The following HACD2 variants were observed in gnomAD, a reference collection of about 807,000 sequenced individuals.
HACD2 encodes 3-hydroxyacyl-CoA dehydratase 2.
Under a neutral mutation model 31.0 loss-of-function variants are expected in HACD2, and 15 were observed. The ratio of observed to expected loss-of-function variants is 0.48; its 90% CI spans 0.32 to 0.75. The LOEUF is 0.75. Among genes scored for constraint, HACD2 ranks in the 30% least tolerant of loss-of-function variants. The probability of loss-of-function intolerance (pLI) is 0.03; values close to 1 mark genes in which losing one functional copy is unlikely to be tolerated. For synonymous variants in HACD2, 115 were observed against 122.2 expected (o/e 0.94, Z 0.39); for missense variants, 283 against 313.0 (o/e 0.90, Z 0.72).
intron 3 of HACD2, among the ~76,000 whole-genome samples, chr3:123,541,368 C>A (rs559084142): frequency 5.9e-5 from 9 of 152,300 alleles, no homozygotes; most frequent in African/African-American, 1.9e-4. Flanking sequence ...TCTCTTGACT[C>A]TACTAAACCA....
chr3:123,536,113 C>T (rs1317017928), intron 3 of HACD2, among the ~76,000 whole-genome samples: 11 of 152,176 alleles, frequency 7.2e-5, no homozygotes, highest in South Asian at 4.2e-4. Context: ...TGCTTTTCTT[C>T]CCTTAAAATT....
At chr3:123,526,803 A>G (rs1277696744) in intron 4 of HACD2, among the ~76,000 whole-genome samples, 1 of 143,006 alleles carries the variant, frequency 7.0e-6, no homozygotes, top group Non-Finnish European at 1.6e-5. Context: ...AACCAGTTTC[A>G]ATGATCTACA....
Position 123,513,444 on chromosome 3 carries a change from A to T in HACD2, c.382-10763T>A, listed in dbSNP as rs562045537. Among the ~76,000 whole-genome samples the T allele has an allele frequency of 5.3e-5, 8 of 152,340 alleles. No individual in the cohort carries two copies. The East Asian group carries it at 1.5e-3, about 29-fold the overall frequency. On this transcript the variant is annotated intron_variant, in intron 4 of 6. Coordinates refer to ENST00000383657, the MANE Select transcript of HACD2 (RefSeq NM_198402.5). Reference sequence around the variant, plus strand: ...GGAGCAGGTGACAGAGGTCAACGTCACCAGGAGTGGGAAGGGTAGTCATGG... The same window carrying T: ...GGAGCAGGTGACAGAGGTCAACGTCTCCAGGAGTGGGAAGGGTAGTCATGG...
chr3:123,572,850 C>T (rs1271104772), intron 2 of HACD2, among the ~76,000 whole-genome samples: 1 of 152,146 alleles, frequency 6.6e-6, no homozygotes, highest in Non-Finnish European at 1.5e-5. Flanking sequence ...GATTCATCTA[C>T]AGTGATTCCC....
intron 3 of HACD2, among the ~76,000 whole-genome samples, chr3:123,535,306 C>T (rs2056411857): frequency 6.6e-6 from 1 of 152,204 alleles, no homozygotes; most frequent in South Asian, 2.1e-4. Flanking sequence ...AGCCTAGAAG[C>T]AACAAGCTAG....
chr3:123,548,970 G>C (rs1335885126), intron 3 of HACD2, among the ~76,000 whole-genome samples: 1 of 150,048 alleles, frequency 6.7e-6, no homozygotes, highest in Non-Finnish European at 1.5e-5. Flanking sequence ...TATAAATTGT[G>C]TAATTACTTA....
rs774420049 is a variant in HACD2, at chr3:123,582,238, A to G, written c.247T>C (p.Phe83Leu). 5 of 1,599,392 alleles carry G rather than the reference A, an allele frequency of 3.1e-6. No homozygotes were observed. Among genetic ancestry groups the G allele is most frequent in the Non-Finnish European group, 2.6e-6 (3 of 1,172,576 alleles). Residue 83 changes from phenylalanine (F) to leucine (L), a missense_variant, in exon 2 of 7, where the codon TTC becomes CTC. By Grantham distance (22) the Phe-to-Leu change is conservative (BLOSUM62 0). Transcript: ENST00000383657. Reference sequence around the variant, plus strand: ...TCCAATAAGGCTCCAGTTTGAAAGAATTTCAAAGGCTTTTCAATTGAATAA... The same window carrying G: ...TCCAATAAGGCTCCAGTTTGAAAGAGTTTCAAAGGCTTTTCAATTGAATAA... ...LYYSIEKPLK[F>L]FQTGALLEIL...
intron 4 of HACD2, among the ~76,000 whole-genome samples, chr3:123,509,506 T>C (rs2056023822): frequency 1.3e-5 from 2 of 150,622 alleles, no homozygotes; most frequent in South Asian, 2.1e-4. Context: ...TGACTTCTTT[T>C]TTTTTTTTTT....
At chr3:123,575,268 G>A (rs908278176) in intron 2 of HACD2, among the ~76,000 whole-genome samples, 9 of 151,918 alleles carry the variant, frequency 5.9e-5, no homozygotes, top group African/African-American at 1.7e-4. Context: ...CACTGTATCC[G>A]GCTAATTTTT....
intron 4 of HACD2, 23 bp downstream of exon 4, chr3:123,528,363 T>C (rs759372194): frequency 3.6e-6 from 5 of 1,391,106 alleles, no homozygotes; most frequent in Non-Finnish European, 5.1e-6. Context: ...GTTGACATTA[T>C]TTTGGTCTAT....
At chr3:123,558,469 G>C (rs1240268703) in intron 3 of HACD2, among the ~76,000 whole-genome samples, 1 of 152,156 alleles carries the variant, frequency 6.6e-6, no homozygotes, top group African/African-American at 2.4e-5. Context: ...ACTCTGGTTG[G>C]GGATGTTGAT....
chr3:123,553,247 C>T (rs1462932020), intron 3 of HACD2, among the ~76,000 whole-genome samples: 1 of 152,054 alleles, frequency 6.6e-6, no homozygotes, highest in African/African-American at 2.4e-5. Flanking sequence ...ATAAAAAGAC[C>T]ACATATCTCA....
At chr3:123,551,763 C>T (rs1004634848) in intron 3 of HACD2, among the ~76,000 whole-genome samples, 2 of 152,124 alleles carry the variant, frequency 1.3e-5, no homozygotes, top group Non-Finnish European at 2.9e-5. Flanking sequence ...AGATTAATCA[C>T]AGCTGTATAA....
chr3:123,568,240 C>T lies in HACD2; in HGVS notation c.274-460G>A, dbSNP rs543351891. 5.9e-4 allele frequency among the ~76,000 whole-genome samples: 90 copies of T among 152,334 alleles called. 1 individual carries two copies. In the South Asian group the frequency reaches 0.011, roughly 19 times the overall value. ...CATTCATTCTACTAAGTTCCACCCT[C>T]AGTCCCCATCTTGCCTCATTCAATG... On this transcript the variant is annotated intron_variant, in intron 2 of 6. Coordinates refer to ENST00000383657, the MANE Select transcript of HACD2 (RefSeq NM_198402.5).
At chr3:123,502,330 A>C (rs1232515003) in intron 5 of HACD2, among the ~76,000 whole-genome samples, 1 of 152,262 alleles carries the variant, frequency 6.6e-6, no homozygotes, top group African/African-American at 2.4e-5. Context: ...AATTGAAAAG[A>C]ACTGATCCCA....
intron 2 of HACD2, among the ~76,000 whole-genome samples, chr3:123,579,299 GT>G (rs202145009): frequency 8.1e-4 from 118 of 144,828 alleles, no homozygotes; most frequent in East Asian, 1.0e-3. Context: ...ACATTACCAA[GT>G]TTTTTTTTTT....
At chr3:123,514,148 G>A (rs374851559) in intron 4 of HACD2, among the ~76,000 whole-genome samples, 5 of 152,078 alleles carry the variant, frequency 3.3e-5, no homozygotes, top group African/African-American at 1.2e-4. Context: ...GGTGGCAAGC[G>A]CCTGTGGTCC....
chr3:123,529,494 G>T (rs1233985493), intron 3 of HACD2, among the ~76,000 whole-genome samples: 1 of 152,212 alleles, frequency 6.6e-6, no homozygotes, highest in Non-Finnish European at 1.5e-5. Flanking sequence ...GGAGGCTGAA[G>T]CAGGAGAATT....
intron 3 of HACD2, among the ~76,000 whole-genome samples, chr3:123,557,950 A>C (rs976618738): frequency 1.3e-5 from 2 of 152,232 alleles, no homozygotes; most frequent in Admixed American, 6.5e-5. Flanking sequence ...GGATTTGAAA[A>C]CTTGCATCTG....
Sources: gnomAD v4.1 joint callset for allele counts (sites outside exome capture counted in the v4.1 genomes callset) on GRCh38, gnomAD v4.1.1 for gene constraint, MANE v1.5 for transcripts, NCBI Gene and HGNC (gene_info 2026-07-23, HGNC 2026-07-21) for gene names.